Variants in SIPA1L2 observed in about 807,000 individuals in gnomAD.
SIPA1L2 encodes signal-induced proliferation-associated 1-like protein 2.
In SIPA1L2, 56 loss-of-function variants were observed where a neutral mutation model predicts 163.9. The observed-to-expected ratio is 0.34, with a 90% CI of 0.28 to 0.43. The LOEUF (loss-of-function observed/expected upper bound fraction) is 0.43. Among genes scored for constraint, SIPA1L2 ranks in the 20% least tolerant of loss-of-function variants. The pLI is 1.00. For missense variants in SIPA1L2, 1,974 were observed against 2,193.5 expected (o/e 0.90, Z 2.00); for synonymous variants, 877 against 865.7 (o/e 1.01, Z -0.23).
intron 12 of SIPA1L2, 39 bp from the exon 13 acceptor site, chr1:232,441,907 C>G (rs555595684): frequency 1.9e-6 from 3 of 1,553,650 alleles, no homozygotes; most frequent in African/African-American, 1.4e-5. Context: ...CTTTCTCAAC[C>G]GTGCCACCTG....
chr1:232,585,720 T>C (rs1269976537), intron 1 of SIPA1L2, among the ~76,000 whole-genome samples: 1 of 152,134 alleles, frequency 6.6e-6, no homozygotes, highest in African/African-American at 2.4e-5. Flanking sequence ...TCCCTTAATC[T>C]AAAAACCTAC....
rs780262585 is a variant in SIPA1L2, at chr1:232,471,324, G to A, written c.2243+47C>T. 12 of 1,554,528 alleles carry A rather than the reference G, an allele frequency of 7.7e-6. No homozygotes were observed. The African/African-American group carries it at 1.7e-4, about 22-fold the overall frequency. ...AGATATTTTTGGGAAAAGACGCCCTGTTGAAATAAACCTGGGAGAATGATA... is the reference window on the plus strand; with the variant it reads ...AGATATTTTTGGGAAAAGACGCCCTATTGAAATAAACCTGGGAGAATGATA... On this transcript the variant is annotated intron_variant, in intron 8 of 22. Transcript: ENST00000674635.
Position 232,514,052 on chromosome 1 carries a change from T to A in SIPA1L2, c.1288A>T (p.Asn430Tyr), listed in dbSNP as rs1219494912. The part of the protein sequence containing the change: ...GDRRIALSRA[N>Y]SSSFSSGESC... ...TCCCCAGAACTGAAAGAGGATGAGT[T>A]GGCTCGAGAGAGCGCAATCCGCCTG... The change falls in exon 3 of 23, where the codon AAC becomes TAC. Residue 430 changes from asparagine to tyrosine, a missense_variant. Asn to Tyr is a moderately radical substitution (Grantham distance 143, BLOSUM62 -2). Coordinates refer to ENST00000674635, the MANE Select transcript of SIPA1L2 (RefSeq NM_020808.5). The A allele has an allele frequency of 1.2e-6, 2 of 1,614,208 alleles. No homozygotes were observed. The highest frequency in any genetic ancestry group is 8.5e-7 in the Non-Finnish European group (1 of 1,180,032).
intron 2 of SIPA1L2, among the ~76,000 whole-genome samples, chr1:232,565,906 G>GTA (rs924005483): frequency 5.3e-5 from 8 of 152,176 alleles, no homozygotes; most frequent in African/African-American, 1.9e-4. Context: ...GGTTCCTATA[G>GTA]TATACACTGT....
intron 3 of SIPA1L2, among the ~76,000 whole-genome samples, chr1:232,505,186 T>C (rs1427506086): frequency 6.6e-6 from 1 of 152,220 alleles, no homozygotes; most frequent in Non-Finnish European, 1.5e-5. Context: ...TAGGAAAGTA[T>C]GAAAGGCCTC....
chr1:232,608,384 C>G lies in SIPA1L2; in HGVS notation c.-319+21485G>C, dbSNP rs529603829. ...CTCTTGAGAGGAATGGGCAGATAATCTTTTAGGGATAGCTTCTCACAAGGG... is the reference window on the plus strand; with the variant it reads ...CTCTTGAGAGGAATGGGCAGATAATGTTTTAGGGATAGCTTCTCACAAGGG... On this transcript the variant is annotated intron_variant, in intron 1 of 22. Transcript: ENST00000674635. 5.5e-4 allele frequency among the ~76,000 whole-genome samples: 84 copies of G among 152,254 alleles called. 1 individual carries two copies. Among genetic ancestry groups the G allele is most frequent in the African/African-American group, 1.7e-3 (72 of 41,550 alleles).
chr1:232,539,456 G>A (rs1657509136), intron 2 of SIPA1L2, among the ~76,000 whole-genome samples: 1 of 152,200 alleles, frequency 6.6e-6, no homozygotes, highest in Admixed American at 6.5e-5. Flanking sequence ...ACATCTTCAA[G>A]GACGGGAGAA....
chr1:232,543,690 A>C (rs1657832652), intron 2 of SIPA1L2, among the ~76,000 whole-genome samples: 1 of 152,152 alleles, frequency 6.6e-6, no homozygotes, highest in African/African-American at 2.4e-5. Flanking sequence ...GCAACACAGC[A>C]GGCCCTACCT....
At chr1:232,609,829 C>CAAAAA (rs71173228) in intron 1 of SIPA1L2, among the ~76,000 whole-genome samples, 7 of 102,314 alleles carry the variant, frequency 6.8e-5, no homozygotes, top group Admixed American at 1.0e-4. Context: ...GACTCCATCT[C>CAAAAA]AAAAAAAAAA....
chr1:232,528,133 A>G (rs1269862813), intron 2 of SIPA1L2, among the ~76,000 whole-genome samples: 1 of 143,584 alleles, frequency 7.0e-6, no homozygotes, highest in Non-Finnish European at 1.5e-5. Flanking sequence ...AGGTAGACCC[A>G]AAGAACTTGT....
chr1:232,531,216 A>G (rs1656911824), intron 2 of SIPA1L2, among the ~76,000 whole-genome samples: 1 of 151,940 alleles, frequency 6.6e-6, no homozygotes. Flanking sequence ...CCCTACCCAA[A>G]TTTAGCTGCA....
intron 4 of SIPA1L2, among the ~76,000 whole-genome samples, chr1:232,492,070 T>C (rs1572978306): frequency 6.6e-6 from 1 of 152,124 alleles, no homozygotes; most frequent in African/African-American, 2.4e-5. Flanking sequence ...ACAGCATAGG[T>C]CTATAACTTA....
intron 3 of SIPA1L2, among the ~76,000 whole-genome samples, chr1:232,513,300 CTT>C (rs1379585826): frequency 2.0e-5 from 3 of 152,244 alleles, no homozygotes; most frequent in Non-Finnish European, 2.9e-5. Flanking sequence ...TAATTTATCA[CTT>C]GTGTCTTAAC....
At chr1:232,550,190 A>T (rs141702160) in intron 2 of SIPA1L2, among the ~76,000 whole-genome samples, 4 of 152,316 alleles carry the variant, frequency 2.6e-5, no homozygotes, top group African/African-American at 9.6e-5. Flanking sequence ...TTCAAAGGAG[A>T]GTGTTCATTA....
chr1:232,551,731 C>G (rs1179930675), intron 2 of SIPA1L2, among the ~76,000 whole-genome samples: 1 of 152,216 alleles, frequency 6.6e-6, no homozygotes, highest in Non-Finnish European at 1.5e-5. Context: ...ACTGTAAAAG[C>G]CTTTTAAAAA....
intron 1 of SIPA1L2, among the ~76,000 whole-genome samples, chr1:232,622,009 T>A (rs543416198): frequency 2.6e-4 from 39 of 152,344 alleles, no homozygotes; most frequent in African/African-American, 8.9e-4. Flanking sequence ...ATTACAGGCA[T>A]GAGCCACTAT....
chr1:232,510,613 T>C (rs1348664691), intron 3 of SIPA1L2, among the ~76,000 whole-genome samples: 1 of 152,154 alleles, frequency 6.6e-6, no homozygotes, highest in Non-Finnish European at 1.5e-5. Flanking sequence ...GTGGAGGAAA[T>C]AAATCACTTG....
intron 1 of SIPA1L2, among the ~76,000 whole-genome samples, chr1:232,580,840 T>C (rs1660334759): frequency 6.6e-6 from 1 of 152,210 alleles, no homozygotes; most frequent in Non-Finnish European, 1.5e-5. Flanking sequence ...GCCCAGTGAA[T>C]AGCCATCTTG....
chr1:232,448,093 C>T (rs1558185312), intron 10 of SIPA1L2, among the ~76,000 whole-genome samples: 1 of 152,176 alleles, frequency 6.6e-6, no homozygotes, highest in Non-Finnish European at 1.5e-5. Context: ...AGGTCACAGG[C>T]TAGACAGCTT....
Sources: allele counts gnomAD v4.1 joint callset (sites outside exome capture counted in the v4.1 genomes callset), GRCh38; gene constraint gnomAD v4.1.1; transcripts MANE v1.5; gene names NCBI Gene and HGNC (gene_info 2026-07-23, HGNC 2026-07-21).